MARK1: variants seen among roughly 807,000 people sequenced by gnomAD.
The protein encoded by MARK1 is serine/threonine-protein kinase MARK1.
MARK1 carries 40 observed loss-of-function variants against 96.3 expected under a neutral mutation model. The ratio of observed to expected loss-of-function variants is 0.42; its 90% CI spans 0.32 to 0.54. The LOEUF (loss-of-function observed/expected upper bound fraction) is 0.54. Among genes scored for constraint, MARK1 ranks in the 20% least tolerant of loss-of-function variants. The pLI is 0.16. For missense variants in MARK1, 719 were observed against 984.6 expected (o/e 0.73, Z 3.61); for synonymous variants, 317 against 341.2 (o/e 0.93, Z 0.78).
At chr1:220,545,439 G>GTTTTTTT (rs35422682) in intron 1 of MARK1, among the ~76,000 whole-genome samples, 40 of 87,224 alleles carry the variant, frequency 4.6e-4, no homozygotes, top group Admixed American at 6.3e-4. Flanking sequence ...CTTTCTCATG[G>GTTTTTTT]TTTTTTTTTT....
intron 3 of MARK1, among the ~76,000 whole-genome samples, chr1:220,584,892 CATA>C (rs1249555153): frequency 1.1e-3 from 173 of 152,286 alleles, no homozygotes; most frequent in African/African-American, 3.9e-3. Flanking sequence ...TGCTATATAG[CATA>C]TTTCACTCTA....
At chr1:220,626,840 G>T in intron 9 of MARK1, 2 of 397,346 alleles carry the variant, frequency 5.0e-6, no homozygotes, top group Admixed American at 3.4e-5. Flanking sequence ...AAAAAGGGTT[G>T]AGGGGGGCAT....
chr1:220,548,344 T>G (rs1350242528), intron 1 of MARK1, among the ~76,000 whole-genome samples: 1 of 152,240 alleles, frequency 6.6e-6, no homozygotes, highest in Non-Finnish European at 1.5e-5. Context: ...TAGGAAATAA[T>G]TACTGGATTT....
At chr1:220,640,538 C>T (rs1414681215) in intron 13 of MARK1, among the ~76,000 whole-genome samples, 1 of 152,110 alleles carries the variant, frequency 6.6e-6, no homozygotes, top group Non-Finnish European at 1.5e-5. Context: ...TGTTCATCAC[C>T]CACAACCATC....
chr1:220,651,842 C>A, intron 14 of MARK1, 144 bp from the exon 15 acceptor site: 1 of 510,868 alleles, frequency 2.0e-6, no homozygotes, highest in South Asian at 4.6e-5. Context: ...TTAATAATGC[C>A]ACTAATGTTA....
In MARK1 at chr1:220,581,101, C is replaced by A; in HGVS notation, c.292C>A (p.Pro98Thr). Residue 98 changes from proline to threonine, a missense_variant, in exon 3 of 18, where the codon CCT becomes ACT. Pro to Thr is a conservative substitution (Grantham distance 38, BLOSUM62 -1). Around this residue, in one of 4 missense-constraint regions of MARK1, gnomAD observed 105 missense variants for 133.4 expected, o/e 0.79. Coordinates refer to ENST00000366917, the MANE Select transcript of MARK1 (RefSeq NM_018650.5). Reference sequence around the variant, plus strand: ...AATAATAGACAAAACTCAGCTAAATCCTACCAGTCTACAAAAGGTATTTAA... The same window carrying A: ...AATAATAGACAAAACTCAGCTAAATACTACCAGTCTACAAAAGGTATTTAA... ...VKIIDKTQLN[P>T]TSLQKLFREV... 1 of 1,269,442 alleles carries A rather than the reference C, an allele frequency of 7.9e-7. No homozygotes were observed. The highest frequency in any genetic ancestry group is 1.0e-6 in the Non-Finnish European group (1 of 955,196). 78.6% of individuals were successfully genotyped at this position (1,269,442 alleles called of 1,614,324 possible).
At chr1:220,638,297 T>G (rs141177496) in intron 13 of MARK1, among the ~76,000 whole-genome samples, 1 of 152,324 alleles carries the variant, frequency 6.6e-6, no homozygotes, top group East Asian at 1.9e-4. Flanking sequence ...TTTGTCTATC[T>G]CCATGTCTGT....
intron 1 of MARK1, among the ~76,000 whole-genome samples, chr1:220,543,352 A>AT (rs1661271972): frequency 6.6e-6 from 1 of 152,230 alleles, no homozygotes; most frequent in South Asian, 2.1e-4. Flanking sequence ...CATTAATAAT[A>AT]TTTTGCTAAT....
chr1:220,610,047 G>A (rs1666345981), intron 6 of MARK1, among the ~76,000 whole-genome samples: 1 of 152,182 alleles, frequency 6.6e-6, no homozygotes, highest in Admixed American at 6.5e-5. Context: ...TTCTTCTCAA[G>A]GAGTATCTTT....
At chr1:220,659,772 T>G (rs1285600689) in intron 17 of MARK1, among the ~76,000 whole-genome samples, 1 of 152,144 alleles carries the variant, frequency 6.6e-6, no homozygotes, top group African/African-American at 2.4e-5. Context: ...ACTCATTAGC[T>G]CTATAACTTC....
In MARK1 at chr1:220,550,169, T is replaced by C. The variant is rs146324592; in HGVS notation, c.51+21296T>C. Among the ~76,000 whole-genome samples the C allele has an allele frequency of 1.3e-4, 20 of 152,356 alleles. No homozygotes were observed. The East Asian group carries it at 3.9e-3, about 29-fold the overall frequency. ...TCTCTTGAGACTGCATTGATTTTAC[T>C]GAACCCAAATATAAAGGCAAGTCTT... On this transcript the variant is annotated intron_variant, in intron 1 of 17. Transcript: ENST00000366917.
At chr1:220,635,632 G>T in intron 12 of MARK1, 103 bp downstream of exon 12, 1 of 1,318,168 alleles carries the variant, frequency 7.6e-7, no homozygotes. Context: ...GTGTTATCTA[G>T]TTCTCACAGA....
intron 7 of MARK1, among the ~76,000 whole-genome samples, chr1:220,617,499 G>GTCTA (rs1056566829): frequency 6.6e-6 from 1 of 152,080 alleles, no homozygotes; most frequent in African/African-American, 2.4e-5. Flanking sequence ...TACTTTGTTA[G>GTCTA]TCTATCCATC....
rs1660050610 is a variant in MARK1 at position 220,528,340 on chromosome 1, G to GC, written c.-482dup. On this transcript the variant is annotated 5_prime_UTR_variant, in exon 1 of 18. It removes the in-frame stop codon of an upstream open reading frame in the 5' UTR. Coordinates refer to ENST00000366917, the MANE Select transcript of MARK1 (RefSeq NM_018650.5). ...CGCGTGGATGCGGCTGGGTCGGGCG[G>GC]CGCCGTACACCTGAGGCGGAGAACG... 1 of 152,666 alleles carries GC rather than the reference G, an allele frequency of 6.6e-6. No individual in the cohort carries two copies. The highest frequency in any genetic ancestry group is 2.4e-5 in the African/African-American group (1 of 41,452). 9.5% of individuals were successfully genotyped at this position (152,666 alleles called of 1,614,324 possible).
intron 1 of MARK1, among the ~76,000 whole-genome samples, chr1:220,533,052 ATAAGATACTT>A (rs1210027466): frequency 8.6e-5 from 13 of 152,006 alleles, no homozygotes; most frequent in African/African-American, 3.1e-4. Context: ...ATGAAATGGT[ATAAGATACTT>A]TATTAGAGGA....
intron 1 of MARK1, among the ~76,000 whole-genome samples, chr1:220,552,099 C>T (rs1048512953): frequency 9.2e-5 from 14 of 152,170 alleles, no homozygotes; most frequent in Admixed American, 5.9e-4. Context: ...CCTTGATAGT[C>T]AGGATCAGTC....
chr1:220,638,838 A>G (rs536345943), intron 13 of MARK1, among the ~76,000 whole-genome samples: 1 of 152,200 alleles, frequency 6.6e-6, no homozygotes, highest in Non-Finnish European at 1.5e-5. Flanking sequence ...AGGAGTTTCT[A>G]AAGTAAAATT....
chr1:220,647,362 C>A (rs1668637890), intron 13 of MARK1, among the ~76,000 whole-genome samples: 2 of 152,080 alleles, frequency 1.3e-5, no homozygotes. Flanking sequence ...CCATCTCATG[C>A]CAGTCAGAAT....
chr1:220,573,621 C>A (rs1440926975), intron 1 of MARK1, among the ~76,000 whole-genome samples: 2 of 152,080 alleles, frequency 1.3e-5, no homozygotes, highest in African/African-American at 4.8e-5. Flanking sequence ...CTGTGCCCGG[C>A]CGAGGCTTTA....
Sources: allele counts gnomAD v4.1 joint callset (sites outside exome capture counted in the v4.1 genomes callset), GRCh38; gene constraint gnomAD v4.1.1; regional missense constraint gnomAD v4.1.1; transcripts MANE v1.5; gene names NCBI Gene and HGNC (gene_info 2026-07-23, HGNC 2026-07-21).